CCDC171: variants seen among roughly 807,000 people sequenced by gnomAD.
CCDC171 encodes coiled-coil domain containing 171, also known as coiled-coil domain-containing protein 171.
CCDC171 carries 177 observed loss-of-function variants against 168.2 expected under a neutral mutation model. The ratio of observed to expected loss-of-function variants is 1.05; its 90% CI spans 0.93 to 1.19. The LOEUF is 1.19. CCDC171 is among the 50% of genes most tolerant of loss of function. The pLI is 0.00. For missense variants in CCDC171, 1,991 were observed against 1,539.0 expected, an observed-to-expected ratio of 1.29 and a Z score of -4.91; for synonymous variants, 687 against 540.8, an observed-to-expected ratio of 1.27 and a Z score of -3.75.
rs953266167 is a variant in CCDC171 at position 15,973,536 on chromosome 9, A to T, written c.*1700A>T. 3 of 152,292 alleles carry T rather than the reference A, an allele frequency of 2.0e-5. No individual in the cohort carries two copies. The highest frequency in any genetic ancestry group is 7.2e-5 in the African/African-American group (3 of 41,586). 9.4% of individuals were successfully genotyped at this position (152,292 alleles called of 1,614,324 possible). On this transcript the variant is annotated 3_prime_UTR_variant, in exon 26 of 26. Coordinates refer to ENST00000380701, the MANE Select transcript of CCDC171 (RefSeq NM_173550.4). The stretch of plus-strand genomic sequence containing the variant: ...ACCACTATAATTAGCTTTATATAAA[A>T]CTTTAGAAAGCTTATATGGAGTAAA...
intron 9 of CCDC171, among the ~76,000 whole-genome samples, chr9:15,666,699 C>T (rs1366148842): frequency 2.0e-5 from 3 of 152,078 alleles, no homozygotes; most frequent in Non-Finnish European, 2.9e-5. Flanking sequence ...GTGGTGTGCA[C>T]CTGTAGTCCC....
intron 6 of CCDC171, among the ~76,000 whole-genome samples, chr9:16,032,101 C>T (rs987040107): frequency 6.6e-6 from 1 of 152,156 alleles, no homozygotes; most frequent in Non-Finnish European, 1.5e-5. Flanking sequence ...CATGGATGGG[C>T]TTTCAACCCA....
intron 21 of CCDC171, among the ~76,000 whole-genome samples, chr9:15,787,256 A>C (rs1283832076): frequency 1.3e-5 from 2 of 150,488 alleles, no homozygotes; most frequent in African/African-American, 4.9e-5. Context: ...TTTTTTTTTT[A>C]CCATTTTGAA....
intron 21 of CCDC171, among the ~76,000 whole-genome samples, chr9:15,785,441 T>C (rs2135500536): frequency 6.6e-6 from 1 of 152,240 alleles, no homozygotes; most frequent in South Asian, 2.1e-4. Context: ...ATAATATCTA[T>C]TTATTCTGAT....
At chr9:15,920,594 A>G (rs1165370284) in intron 25 of CCDC171, among the ~76,000 whole-genome samples, 172 bp downstream of exon 25, 1 of 151,780 alleles carries the variant, frequency 6.6e-6, no homozygotes, top group Non-Finnish European at 1.5e-5. Context: ...AAGAAAAGCA[A>G]TTAATTTTTT....
intron 24 of CCDC171, chr9:15,885,485 G>T (rs1464353748): frequency 6.6e-6 from 1 of 152,110 alleles, no homozygotes; most frequent in Non-Finnish European, 1.5e-5. Flanking sequence ...ACTTTCAAGT[G>T]CTATAACCAG....
intron 24 of CCDC171, among the ~76,000 whole-genome samples, chr9:15,876,643 A>G (rs982783912): frequency 6.6e-6 from 1 of 152,196 alleles, no homozygotes; most frequent in East Asian, 1.9e-4. Context: ...TTTTTCTTCC[A>G]TTTGTAAAAA....
intron 6 of CCDC171, among the ~76,000 whole-genome samples, chr9:15,622,910 A>AT (rs2044620270): frequency 6.6e-6 from 1 of 152,232 alleles, no homozygotes; most frequent in Non-Finnish European, 1.5e-5. Flanking sequence ...AAAAAGGGCA[A>AT]TATACATTTA....
intron 6 of CCDC171, among the ~76,000 whole-genome samples, chr9:15,614,897 T>C (rs2131912876): frequency 1.3e-5 from 2 of 152,284 alleles, no homozygotes; most frequent in South Asian, 4.1e-4. Flanking sequence ...AGCTGAATAC[T>C]ATGGATCATT....
Position 15,855,427 on chromosome 9 carries a change from G to T in CCDC171, c.3468+6480G>T, listed in dbSNP as rs57149079. 6.0e-3 allele frequency among the ~76,000 whole-genome samples: 916 copies of T among 151,696 alleles called. 9 individuals are homozygous for T. The highest frequency in any genetic ancestry group is 0.022 in the African/African-American group (893 of 41,422). On this transcript the variant is annotated intron_variant, in intron 23 of 25. Coordinates refer to ENST00000380701, the MANE Select transcript of CCDC171 (RefSeq NM_173550.4). ...TCTGTCTTTTCACTTTTAACCTATT[G>T]GTGTCTTTGTATCTAAGATGAGTCT...
At chr9:15,941,382 C>T (rs1040277554) in intron 25 of CCDC171, among the ~76,000 whole-genome samples, 3 of 151,872 alleles carry the variant, frequency 2.0e-5, no homozygotes, top group African/African-American at 7.2e-5. Context: ...TAACCATTTT[C>T]AGTTTAAACT....
intron 21 of CCDC171, among the ~76,000 whole-genome samples, chr9:15,820,518 C>T (rs1340056025): frequency 8.5e-6 from 1 of 117,114 alleles, no homozygotes; most frequent in East Asian, 2.1e-4. Flanking sequence ...CACCACCGAT[C>T]CCACAGAAAT....
At chr9:15,608,709 T>C (rs947958828) in intron 6 of CCDC171, among the ~76,000 whole-genome samples, 1 of 151,520 alleles carries the variant, frequency 6.6e-6, no homozygotes, top group African/African-American at 2.4e-5. Flanking sequence ...CCTAGCATTT[T>C]AGGAGTCTGA....
intron 23 of CCDC171, among the ~76,000 whole-genome samples, chr9:15,869,011 A>G (rs936893088): frequency 6.6e-6 from 1 of 152,016 alleles, no homozygotes; most frequent in African/African-American, 2.4e-5. Context: ...ATAGTACCTA[A>G]TACAATGTAA....
chr9:15,787,390 G>A (rs1046735164), intron 21 of CCDC171, among the ~76,000 whole-genome samples: 1 of 151,876 alleles, frequency 6.6e-6, no homozygotes, highest in African/African-American at 2.4e-5. Context: ...CACAGCTTCT[G>A]GTAATCACTT....
chr9:15,853,622 A>G (rs2061228329), intron 23 of CCDC171, among the ~76,000 whole-genome samples: 1 of 151,634 alleles, frequency 6.6e-6, no homozygotes, highest in African/African-American at 2.4e-5. Flanking sequence ...TAGAACATCC[A>G]GTATGGTGTT....
chr9:15,748,437 G>A (rs951972072), intron 18 of CCDC171, among the ~76,000 whole-genome samples: 11 of 152,140 alleles, frequency 7.2e-5, no homozygotes, highest in Admixed American at 6.5e-5. Flanking sequence ...AACATAGCAA[G>A]GCAGGCCAAC....
chr9:15,803,819 T>G (rs2135827522), intron 21 of CCDC171, among the ~76,000 whole-genome samples: 1 of 152,290 alleles, frequency 6.6e-6, no homozygotes, highest in African/African-American at 2.4e-5. Flanking sequence ...AACGATAGTT[T>G]AATGGGAATA....
rs148608686 is a variant in CCDC171, at chr9:16,027,200, C to T, written n.998+4292C>T. On this transcript the variant is annotated intron_variant and non_coding_transcript_variant, in intron 6 of 9. Transcript: ENST00000486641. ...TTGTGCTTATTATCTTTTCTCTGGGCTTCCACTGATAATGACCCAGAGGAA... is the reference window on the plus strand; with the variant it reads ...TTGTGCTTATTATCTTTTCTCTGGGTTTCCACTGATAATGACCCAGAGGAA... Among the ~76,000 whole-genome samples the T allele has an allele frequency of 5.6e-3, 851 of 152,316 alleles. 11 individuals are homozygous for T. Among genetic ancestry groups the T allele is most frequent in the African/African-American group, 0.019 (810 of 41,562 alleles).
Sources: allele counts gnomAD v4.1 joint callset (sites outside exome capture counted in the v4.1 genomes callset), GRCh38; gene constraint gnomAD v4.1.1; transcripts MANE v1.5; gene names NCBI Gene and HGNC (gene_info 2026-07-23, HGNC 2026-07-21).